LHFPL6: variants seen among roughly 807,000 people sequenced by gnomAD.
LHFPL6 encodes the protein LHFPL tetraspan subfamily member 6, also known as LHFPL tetraspan subfamily member 6 protein.
Under a neutral mutation model 20.6 loss-of-function variants are expected in LHFPL6, and 9 were observed. The ratio of observed to expected loss-of-function variants is 0.44; its 90% CI spans 0.26 to 0.76. The LOEUF (loss-of-function observed/expected upper bound fraction) is 0.76, where lower values mean the gene tolerates loss of function less well. Ranked by LOEUF, LHFPL6 falls within the 30% of genes least tolerant of loss-of-function variation. The pLI is 0.20. For synonymous variants in LHFPL6, 105 were observed against 98.7 expected (o/e 1.06, Z -0.38); for missense variants, 218 against 253.5 (o/e 0.86, Z 0.95).
At chr13:39,412,922 C>CAAA (rs11398965) in intron 2 of LHFPL6, among the ~76,000 whole-genome samples, 21 of 141,668 alleles carry the variant, frequency 1.5e-4, no homozygotes, top group African/African-American at 3.1e-4. Flanking sequence ...ACTCCCGTCT[C>CAAA]AAAAAAAAAA....
At chr13:39,483,257 C>T (rs976784221) in intron 2 of LHFPL6, among the ~76,000 whole-genome samples, 1 of 152,046 alleles carries the variant, frequency 6.6e-6, no homozygotes, top group Admixed American at 6.6e-5. Context: ...AGTCTCTGCC[C>T]TGTTCCAGCT....
intron 2 of LHFPL6, among the ~76,000 whole-genome samples, chr13:39,395,531 G>A (rs1001123156): frequency 7.9e-5 from 12 of 152,246 alleles, no homozygotes; most frequent in African/African-American, 2.4e-4. Context: ...TGATAAGGAC[G>A]TCTGCATTCC....
chr13:39,408,353 A>G (rs537480581), intron 2 of LHFPL6, among the ~76,000 whole-genome samples: 1 of 152,364 alleles, frequency 6.6e-6, no homozygotes, highest in African/African-American at 2.4e-5. Flanking sequence ...GAATTATTCC[A>G]TAGTAATGAA....
At chr13:39,347,112 A>C (rs532981007) in intron 3 of LHFPL6, among the ~76,000 whole-genome samples, 1 of 149,752 alleles carries the variant, frequency 6.7e-6, no homozygotes, top group Non-Finnish European at 1.5e-5. Context: ...AGCCCCGTTA[A>C]TGAATTCTCA....
intron 2 of LHFPL6, among the ~76,000 whole-genome samples, chr13:39,529,492 C>A (rs551208223): frequency 6.6e-6 from 1 of 152,198 alleles, no homozygotes; most frequent in Admixed American, 6.5e-5. Context: ...AAGTCCTAGG[C>A]AGGGGATATA....
intron 2 of LHFPL6, among the ~76,000 whole-genome samples, chr13:39,530,225 G>T (rs1223667252): frequency 6.6e-6 from 1 of 150,820 alleles, no homozygotes; most frequent in Non-Finnish European, 1.5e-5. Context: ...GCCAGCCTGG[G>T]CGACAAAGTG....
chr13:39,578,914 G>A (rs1353842735), intron 2 of LHFPL6, among the ~76,000 whole-genome samples: 1 of 152,178 alleles, frequency 6.6e-6, no homozygotes, highest in East Asian at 1.9e-4. Flanking sequence ...AATAGGTTTG[G>A]GGTCTGTGAA....
intron 2 of LHFPL6, among the ~76,000 whole-genome samples, chr13:39,563,438 C>T (rs1199685866): frequency 6.6e-6 from 1 of 152,074 alleles, no homozygotes; most frequent in Non-Finnish European, 1.5e-5. Context: ...TCCTAAGTGA[C>T]TAGAATACAT....
chr13:39,369,209 T>A (rs1467458643), intron 3 of LHFPL6, among the ~76,000 whole-genome samples: 1 of 152,152 alleles, frequency 6.6e-6, no homozygotes, highest in African/African-American at 2.4e-5. Flanking sequence ...ACAGGTTTTC[T>A]AAGAGATTTC....
chr13:39,432,135 C>T (rs759771425), intron 2 of LHFPL6, among the ~76,000 whole-genome samples: 13 of 152,156 alleles, frequency 8.5e-5, no homozygotes, highest in Non-Finnish European at 1.6e-4. Context: ...TACCAGACAC[C>T]TAACCTGCCA....
intron 2 of LHFPL6, among the ~76,000 whole-genome samples, chr13:39,487,877 C>G (rs549924283): frequency 1.3e-5 from 2 of 152,188 alleles, no homozygotes; most frequent in Non-Finnish European, 2.9e-5. Flanking sequence ...GAAACCCTAT[C>G]TCTGCTAAAA....
intron 2 of LHFPL6, among the ~76,000 whole-genome samples, chr13:39,594,426 C>G (rs1872709429): frequency 1.3e-5 from 2 of 152,216 alleles, no homozygotes; most frequent in South Asian, 4.1e-4. Flanking sequence ...GATATCATCT[C>G]ATACCAGTTA....
At chr13:39,515,974 C>T (rs1189654827) in intron 2 of LHFPL6, among the ~76,000 whole-genome samples, 4 of 152,148 alleles carry the variant, frequency 2.6e-5, no homozygotes, top group Admixed American at 2.6e-4. Flanking sequence ...ATACCCTTCT[C>T]TTTATTCATG....
intron 2 of LHFPL6, among the ~76,000 whole-genome samples, chr13:39,470,358 T>G (rs1039491739): frequency 5.9e-5 from 9 of 152,290 alleles, no homozygotes; most frequent in Non-Finnish European, 7.4e-5. Context: ...CATTTAGCAA[T>G]TCATTCTTGG....
At chr13:39,600,346 T>C (rs1231251311) in intron 2 of LHFPL6, among the ~76,000 whole-genome samples, 5 of 152,234 alleles carry the variant, frequency 3.3e-5, no homozygotes, top group Non-Finnish European at 7.3e-5. Flanking sequence ...TATTTAGAAA[T>C]AGAGTTTAAG....
intron 2 of LHFPL6, among the ~76,000 whole-genome samples, chr13:39,505,864 T>A (rs954729544): frequency 2.6e-5 from 4 of 152,250 alleles, no homozygotes; most frequent in Non-Finnish European, 5.9e-5. Context: ...ATTTTGTCTA[T>A]ATTACAAATG....
chr13:39,482,207 G>A (rs557111541), intron 2 of LHFPL6, among the ~76,000 whole-genome samples: 5 of 152,308 alleles, frequency 3.3e-5, no homozygotes, highest in African/African-American at 1.2e-4. Context: ...ACTTTGGGAG[G>A]CTGAGATGGG....
chr13:39,570,469 G>A (rs1871879462), intron 2 of LHFPL6, among the ~76,000 whole-genome samples: 1 of 151,856 alleles, frequency 6.6e-6, no homozygotes, highest in South Asian at 2.1e-4. Context: ...TAAATATCCA[G>A]AAGGATTCAT....
chr13:39,468,181 T>C (rs549634274), intron 2 of LHFPL6, among the ~76,000 whole-genome samples: 13 of 152,362 alleles, frequency 8.5e-5, no homozygotes, highest in African/African-American at 3.1e-4. Context: ...TTTTACATAA[T>C]GTAAACCCAT....
Sources: gnomAD v4.1 joint callset for allele counts (sites outside exome capture counted in the v4.1 genomes callset) on GRCh38, gnomAD v4.1.1 for gene constraint, MANE v1.5 for transcripts, NCBI Gene and HGNC (gene_info 2026-07-23, HGNC 2026-07-21) for gene names.